Variants in GTF3C3 observed in about 807,000 individuals in gnomAD.
GTF3C3 encodes general transcription factor 3C polypeptide 3.
GTF3C3 carries 75 observed loss-of-function variants against 105.2 expected under a neutral mutation model. The observed-to-expected ratio is 0.71, with a 90% CI of 0.59 to 0.86. The LOEUF is 0.86. Ranked by LOEUF, GTF3C3 falls within the 40% of genes least tolerant of loss-of-function variation. The probability of loss-of-function intolerance (pLI) is 0.00; values close to 1 mark genes in which losing one functional copy is unlikely to be tolerated. For synonymous variants in GTF3C3, 335 were observed against 370.4 expected (o/e 0.90, Z 1.10); for missense variants, 856 against 1,076.5 (o/e 0.80, Z 2.87).
intron 13 of GTF3C3, among the ~76,000 whole-genome samples, chr2:196,774,042 T>C (rs1699222472): frequency 6.6e-6 from 1 of 152,232 alleles, no homozygotes; most frequent in South Asian, 2.1e-4. Flanking sequence ...ATTCATACTT[T>C]GAGATTCAAG....
intron 2 of GTF3C3, among the ~76,000 whole-genome samples, chr2:196,797,262 T>C (rs1040883307): frequency 5.9e-5 from 9 of 152,208 alleles, no homozygotes; most frequent in African/African-American, 1.7e-4. Flanking sequence ...TGAGTTTAAA[T>C]AGTCTGGGTG....
chr2:196,785,538 T>A lies in GTF3C3; in HGVS notation c.944A>T (p.Glu315Val). 1.9e-6 allele frequency: 3 copies of A among 1,609,524 alleles called. No homozygotes were observed. Among genetic ancestry groups the A allele is most frequent in the Non-Finnish European group, 2.6e-6 (3 of 1,176,332 alleles). Reference protein sequence around the residue: ...DVTSAINIIDEAFSKHQGLVS... With the variant: ...DVTSAINIIDVAFSKHQGLVS... ...TAGGCCCTGGTGTTTTGAGAAAGCT[T>A]CATCAATTATGTTAATAGCAGAAGT... is the stretch of plus-strand genomic sequence containing the variant. The change falls in exon 7 of 18, where the codon GAA (glutamate) becomes GTA (valine). Residue 315 changes from glutamate to valine, a missense_variant. Glu to Val is a moderately radical substitution (Grantham distance 121). Coordinates refer to ENST00000263956, the MANE Select transcript of GTF3C3 (RefSeq NM_012086.5).
At chr2:196,797,307 T>G (rs1317801339) in intron 2 of GTF3C3, among the ~76,000 whole-genome samples, 2 of 152,224 alleles carry the variant, frequency 1.3e-5, no homozygotes. Context: ...CATGCAAAGC[T>G]GAGGACTGGA....
At chr2:196,798,456 G>A (rs1271757610) in intron 1 of GTF3C3, among the ~76,000 whole-genome samples, 2 of 151,948 alleles carry the variant, frequency 1.3e-5, no homozygotes, top group Admixed American at 1.3e-4. Context: ...TCCGGGAGGC[G>A]GAAGTTACAG....
intron 2 of GTF3C3, among the ~76,000 whole-genome samples, chr2:196,794,964 G>A (rs558674264): frequency 6.6e-6 from 1 of 152,016 alleles, no homozygotes; most frequent in East Asian, 1.9e-4. Context: ...CCTGACCTCA[G>A]GTGATCCACC....
At chr2:196,784,963 T>A in intron 7 of GTF3C3, 34 bp from the exon 8 acceptor site, 1 of 1,405,350 alleles carries the variant, frequency 7.1e-7, no homozygotes. Flanking sequence ...GGAAATAAAA[T>A]ATGTGTGAAA....
At position 196,785,296 on chromosome 2, in the gene GTF3C3, T is replaced by C. The variant is rs1699437023; in HGVS notation, c.1041+145A>G. 8 of 585,474 alleles carry C rather than the reference T, an allele frequency of 1.4e-5. No homozygotes were observed. In the South Asian group the frequency reaches 2.0e-4, roughly 15 times the overall value. 36.3% of individuals were successfully genotyped at this position (585,474 alleles called of 1,614,324 possible). A position where few individuals can be genotyped will look rare whatever the true frequency, so the allele number is the denominator to read the frequency against. ...CACTTCATATTTCATACTGAATTGC[T>C]ACAGAATCTAGAAATCACTTGTTTC... On this transcript the variant is annotated intron_variant, in intron 7 of 17. Coordinates refer to ENST00000263956, the MANE Select transcript of GTF3C3 (RefSeq NM_012086.5).
At chr2:196,765,762 G>A (rs553998599) in intron 17 of GTF3C3, among the ~76,000 whole-genome samples, 2 of 152,054 alleles carry the variant, frequency 1.3e-5, no homozygotes, top group East Asian at 3.9e-4. Context: ...TGTAATCCCA[G>A]CACTTTGGGA....
chr2:196,781,156 C>T (rs1576026326), intron 8 of GTF3C3, among the ~76,000 whole-genome samples: 1 of 150,956 alleles, frequency 6.6e-6, no homozygotes, highest in Non-Finnish European at 1.5e-5. Flanking sequence ...TACATGTTTT[C>T]GTTTCAGAAA....
At chr2:196,794,916 A>C (rs1337813101) in intron 2 of GTF3C3, among the ~76,000 whole-genome samples, 1 of 151,258 alleles carries the variant, frequency 6.6e-6, no homozygotes, top group African/African-American at 2.4e-5. Context: ...TTTAGTAGAG[A>C]TGGGGTTTTG....
intron 16 of GTF3C3, among the ~76,000 whole-genome samples, chr2:196,769,313 A>C (rs1699128568): frequency 6.6e-6 from 1 of 152,222 alleles, no homozygotes; most frequent in Non-Finnish European, 1.5e-5. Context: ...TTAATAAAAG[A>C]CATGTCTATA....
intron 2 of GTF3C3, among the ~76,000 whole-genome samples, chr2:196,794,463 T>A (rs571750753): frequency 1.8e-4 from 28 of 152,220 alleles, no homozygotes; most frequent in African/African-American, 6.5e-4. Context: ...TGAGATGAAG[T>A]TTTCCTCGTT....
chr2:196,797,583 T>C (rs1699668728), intron 2 of GTF3C3, among the ~76,000 whole-genome samples: 1 of 152,174 alleles, frequency 6.6e-6, no homozygotes, highest in Non-Finnish European at 1.5e-5. Context: ...AAAACACTTT[T>C]CCAACACCAG....
rs753698828 is a variant in GTF3C3 at position 196,789,977 on chromosome 2, G to A, written c.629C>T (p.Ala210Val). 3.8e-5 allele frequency: 61 copies of A among 1,612,786 alleles called. No homozygotes were observed. The highest frequency in any genetic ancestry group is 5.3e-5 in the African/African-American group (4 of 74,842). ...EKSLQFELIA[A>V]HLNPSDTEEW... is the part of the protein sequence containing the mutation. ...TTCTGTGTCACTGGGATTTAAATGC[G>A]CAGCAATCAACTCAAACTGCAATGA... Residue 210 changes from alanine (A) to valine (V), a missense_variant, in exon 5 of 18, where the codon GCG becomes GTG. By Grantham distance (64) the Ala-to-Val change is moderately conservative. Around this residue, in one of 3 missense-constraint regions of GTF3C3, gnomAD observed 605 missense variants for 833.6 expected, o/e 0.73. Coordinates refer to ENST00000263956, the MANE Select transcript of GTF3C3 (RefSeq NM_012086.5).
chr2:196,787,080 A>G (rs1055457576), intron 6 of GTF3C3, among the ~76,000 whole-genome samples: 1 of 152,020 alleles, frequency 6.6e-6, no homozygotes, highest in Non-Finnish European at 1.5e-5. Context: ...TCAGTCCTCT[A>G]TACCCTGTCC....
At chr2:196,766,450 A>G (rs948128034) in intron 17 of GTF3C3, 115 bp downstream of exon 17, 1 of 764,550 alleles carries the variant, frequency 1.3e-6, no homozygotes, top group Non-Finnish European at 2.1e-6. Flanking sequence ...AACATACTGA[A>G]TAAGAGAAAA....
At position 196,764,702 on chromosome 2, in the gene GTF3C3, A is replaced by ACCTT; in HGVS notation, c.2539-21_2539-18dup. On this transcript the variant is annotated splice_polypyrimidine_tract_variant and intron_variant, in intron 17 of 17. Coordinates refer to ENST00000263956, the MANE Select transcript of GTF3C3 (RefSeq NM_012086.5). ...TTCTATACCCTAGGGAGAAAAAGAT[A>ACCTT]CCTTTATGTTTAATATTTCCAACTG... 1 of 1,598,152 alleles carries ACCTT rather than the reference A, an allele frequency of 6.3e-7. No individual in the cohort carries two copies. Among genetic ancestry groups the ACCTT allele is most frequent in the Non-Finnish European group, 8.5e-7 (1 of 1,170,384 alleles).
At chr2:196,793,206 T>C (rs2125751464) in intron 2 of GTF3C3, 54 bp from the exon 3 acceptor site, 2 of 1,260,996 alleles carry the variant, frequency 1.6e-6, no homozygotes, top group Admixed American at 4.6e-5. Context: ...GAATTCTCAG[T>C]GAAAAACAAG....
chr2:196,775,725 A>C (rs1317631769), intron 12 of GTF3C3, among the ~76,000 whole-genome samples: 1 of 152,226 alleles, frequency 6.6e-6, no homozygotes, highest in African/African-American at 2.4e-5. Flanking sequence ...TACTTTTGCA[A>C]AGTGAGTAAT....
Sources: gnomAD v4.1 joint callset for allele counts (sites outside exome capture counted in the v4.1 genomes callset) on GRCh38, gnomAD v4.1.1 for gene constraint, gnomAD v4.1.1 regional missense constraint, MANE v1.5 for transcripts, NCBI Gene and HGNC (gene_info 2026-07-23, HGNC 2026-07-21) for gene names.